The following LAMA3 variants were observed in gnomAD, a reference collection of about 807,000 sequenced individuals.
The protein encoded by LAMA3 is laminin subunit alpha 3.
Under a neutral mutation model 402.0 loss-of-function variants are expected in LAMA3, and 281 were observed. The observed-to-expected ratio is 0.70, with a 90% CI of 0.63 to 0.77. LAMA3 has a LOEUF of 0.77. Ranked by LOEUF, LAMA3 falls within the 30% of genes least tolerant of loss-of-function variation. LAMA3 has a pLI of 0.00. For missense variants in LAMA3, 3,840 were observed against 4,215.5 expected, an observed-to-expected ratio of 0.91 and a Z score of 2.47; for synonymous variants, 1,431 against 1,558.4, an observed-to-expected ratio of 0.92 and a Z score of 1.93.
At chr18:23,825,766 T>C (rs1397806367) in intron 21 of LAMA3, among the ~76,000 whole-genome samples, 2 of 152,152 alleles carry the variant, frequency 1.3e-5, no homozygotes, top group East Asian at 3.9e-4. Flanking sequence ...AAGTTCATTA[T>C]AAAAGTTACT....
At chr18:23,867,722 TA>T in intron 36 of LAMA3, 111 bp from the exon 37 acceptor site, 1 of 832,320 alleles carries the variant, frequency 1.2e-6, no homozygotes, top group Non-Finnish European at 2.1e-6. Context: ...ACTATTTTTT[TA>T]AGTCAGGTAT....
At chr18:23,929,706 G>T (rs552621546) in intron 64 of LAMA3, among the ~76,000 whole-genome samples, 28 of 152,294 alleles carry the variant, frequency 1.8e-4, no homozygotes, top group Admixed American at 1.6e-3. Context: ...AGTCCTTGAG[G>T]TTTTATTTTT....
At chr18:23,891,098 A>G (rs937330636) in intron 42 of LAMA3, among the ~76,000 whole-genome samples, 3 of 152,334 alleles carry the variant, frequency 2.0e-5, no homozygotes, top group South Asian at 2.1e-4. Flanking sequence ...ATCACAGGAC[A>G]ATGATTACCC....
chr18:23,907,652 A>T lies in LAMA3; in HGVS notation c.6821A>T (p.His2274Leu). 6.2e-7 allele frequency: 1 copy of T among 1,612,896 alleles called. No homozygotes were observed. The change falls in exon 53 of 75, where the codon CAT becomes CTT. Residue 2274 changes from histidine (H) to leucine (L), a missense_variant. Transcript: ENST00000313654. ...CTCACAACTCTCCGAGATGGTCTTC[A>T]TGGGATACAGAGAGGTCAGCATCTT... The part of the protein sequence containing the change: ...TNLTTLRDGL[H>L]GIQRGDIDAM...
At chr18:23,737,570 T>A (rs898885375) in intron 2 of LAMA3, among the ~76,000 whole-genome samples, 1 of 152,228 alleles carries the variant, frequency 6.6e-6, no homozygotes, top group Non-Finnish European at 1.5e-5. Context: ...ATCCAAGAGT[T>A]CACCTGGGAT....
intron 2 of LAMA3, among the ~76,000 whole-genome samples, chr18:23,744,745 T>C (rs1224656834): frequency 1.4e-5 from 2 of 140,448 alleles, no homozygotes; most frequent in African/African-American, 2.7e-5. Context: ...GGCAGGAGAA[T>C]GGCGTGAACC....
In LAMA3 at chr18:23,932,184, G is replaced by A. The variant is rs1453104979; in HGVS notation, c.8601G>A (p.Gln2867=). 1 of 1,614,068 alleles carries A rather than the reference G, an allele frequency of 6.2e-7. No individual in the cohort carries two copies. Residue 2867 remains glutamine, a synonymous_variant, in exon 66 of 75, where the codon CAG becomes CAA. Coordinates refer to ENST00000313654, the MANE Select transcript of LAMA3 (RefSeq NM_198129.4). ...NSGLRLLIDD[Q]LLRNSKRLKH... is the part of the protein sequence containing the mutation. ...GACTACGGCTTCTCATCGATGACCA[G>A]CTTCTGAGAAATAGCAAAAGGCTAA...
At chr18:23,696,432 G>A (rs1266797645) in intron 1 of LAMA3, among the ~76,000 whole-genome samples, 1 of 151,924 alleles carries the variant, frequency 6.6e-6, no homozygotes, top group Non-Finnish European at 1.5e-5. Flanking sequence ...AAACTTATTA[G>A]ACTTTTCTTT....
intron 46 of LAMA3, 22 bp downstream of exon 46, chr18:23,899,087 A>G: frequency 6.3e-7 from 1 of 1,583,702 alleles, no homozygotes; most frequent in Non-Finnish European, 8.7e-7. Context: ...TATTAAGCCC[A>G]ATTACATTTT....
chr18:23,934,141 T>C (rs2082246070), intron 67 of LAMA3, among the ~76,000 whole-genome samples: 1 of 152,202 alleles, frequency 6.6e-6, no homozygotes, highest in Non-Finnish European at 1.5e-5. Context: ...AGTTGGCAAG[T>C]TTTGCACTCA....
At chr18:23,800,427 C>T (rs947743738) in intron 12 of LAMA3, among the ~76,000 whole-genome samples, 1 of 152,086 alleles carries the variant, frequency 6.6e-6, no homozygotes, top group African/African-American at 2.4e-5. Flanking sequence ...AATAATTGTA[C>T]ATATTTATGG....
Position 23,713,912 on chromosome 18 carries a change from T to G in LAMA3, c.295-8T>G. 1 of 1,603,868 alleles carries G rather than the reference T, an allele frequency of 6.2e-7. No individual in the cohort carries two copies. The highest frequency in any genetic ancestry group is 8.5e-7 in the Non-Finnish European group (1 of 1,177,452). Reference sequence around the variant, plus strand: ...AAAAACAAAAAAAACCCACTTTTTTTTTTTCAGGGCCAGTTCTGTGACTAT... The same window carrying G: ...AAAAACAAAAAAAACCCACTTTTTTGTTTTCAGGGCCAGTTCTGTGACTAT... On this transcript the variant is annotated splice_region_variant and splice_polypyrimidine_tract_variant and intron_variant, in intron 1 of 74. Coordinates refer to ENST00000313654, the MANE Select transcript of LAMA3 (RefSeq NM_198129.4).
chr18:23,931,377 C>A, intron 65 of LAMA3, 176 bp downstream of exon 65: 1 of 635,566 alleles, frequency 1.6e-6, no homozygotes, highest in Non-Finnish European at 2.8e-6. Flanking sequence ...AAATAAACTG[C>A]CACACATGGT....
intron 29 of LAMA3, among the ~76,000 whole-genome samples, 171 bp downstream of exon 29, chr18:23,842,921 G>A (rs2063736648): frequency 6.6e-6 from 1 of 152,212 alleles, no homozygotes; most frequent in Non-Finnish European, 1.5e-5. Context: ...AATAAATAAA[G>A]CATGTGACAA....
intron 37 of LAMA3, among the ~76,000 whole-genome samples, chr18:23,870,813 G>T (rs1206678119): frequency 1.3e-5 from 2 of 152,192 alleles, no homozygotes; most frequent in Non-Finnish European, 2.9e-5. Flanking sequence ...AATTAGAATA[G>T]TGGTGCCAGG....
At position 23,898,975 on chromosome 18, in the gene LAMA3, G is replaced by C; in HGVS notation, c.5746G>C (p.Ala1916Pro). Reference sequence around the variant, plus strand: ...ATAGGCTCAAGTAAATTCCAGAAAAGCACAAACATTAAACAACAATGTTAA... The same window carrying C: ...ATAGGCTCAAGTAAATTCCAGAAAACCACAAACATTAAACAACAATGTTAA... ...QEKAQVNSRK[A>P]QTLNNNVNRA... Residue 1916 changes from alanine to proline, a missense_variant, in exon 46 of 75, where the codon GCA (alanine) becomes CCA (proline). Ala to Pro is a conservative substitution (Grantham distance 27). Transcript: ENST00000313654. The C allele has an allele frequency of 6.2e-7, 1 of 1,613,838 alleles. No homozygotes were observed. The highest frequency in any genetic ancestry group is 1.1e-5 in the South Asian group (1 of 91,064).
intron 12 of LAMA3, among the ~76,000 whole-genome samples, chr18:23,790,732 T>G (rs1399857427): frequency 6.6e-6 from 1 of 152,194 alleles, no homozygotes; most frequent in Non-Finnish European, 1.5e-5. Context: ...ATTTTCCCCA[T>G]GAAGATATTC....
In LAMA3 at chr18:23,810,460, T is replaced by A; in HGVS notation, c.1698T>A (p.Cys566Ter). ...GGCCAGGAGTTACAGGACAGCGGTG[T>A]GACAGGTGTCTCTCAGGAGCTTATG... ...ECRPGVTGQR[C>*]DRCLSGAYDF... The change falls in exon 13 of 75, where the codon TGT becomes TGA. Residue 566 changes from cysteine to a stop codon, truncating the protein, a stop_gained. Transcript: ENST00000313654. LOFTEE classifies it high-confidence loss of function. 6.2e-7 allele frequency: 1 copy of A among 1,614,148 alleles called. No homozygotes were observed. The highest frequency in any genetic ancestry group is 8.5e-7 in the Non-Finnish European group (1 of 1,180,012).
chr18:23,799,780 G>T (rs1270733451), intron 12 of LAMA3, among the ~76,000 whole-genome samples: 1 of 152,222 alleles, frequency 6.6e-6, no homozygotes, highest in African/African-American at 2.4e-5. Context: ...ATTGGCTCAT[G>T]CGATTGCGAG....
Sources: gnomAD v4.1 joint callset for allele counts (sites outside exome capture counted in the v4.1 genomes callset) on GRCh38, gnomAD v4.1.1 for gene constraint, MANE v1.5 for transcripts, NCBI Gene and HGNC (gene_info 2026-07-23, HGNC 2026-07-21) for gene names.